Variants in FRMD4A observed in about 807,000 individuals in gnomAD.
FRMD4A encodes FERM domain containing 4A.
In FRMD4A, 29 loss-of-function variants were observed where a neutral mutation model predicts 129.1. That is an observed-to-expected ratio of 0.22 (90% CI 0.17 to 0.31). FRMD4A has a LOEUF of 0.31. Among genes scored for constraint, FRMD4A ranks in the 10% least tolerant of loss-of-function variants. The pLI, the probability that FRMD4A is intolerant of heterozygous loss-of-function variation, is 1.00. For missense variants in FRMD4A, 1,272 were observed against 1,375.8 expected (o/e 0.92, Z 1.19); for synonymous variants, 634 against 571.6 (o/e 1.11, Z -1.56).
chr10:13,844,983 G>A (rs558194836), intron 3 of FRMD4A, among the ~76,000 whole-genome samples: 26 of 152,310 alleles, frequency 1.7e-4, no homozygotes, highest in Admixed American at 5.9e-4. Flanking sequence ...GGGATACAGT[G>A]TGCCTTCAGT....
Position 13,787,748 on chromosome 10 carries a change from CTT to C in FRMD4A, c.300-4744_300-4743del, listed in dbSNP as rs1454721521. On this transcript the variant is annotated intron_variant, in intron 5 of 24. Transcript: ENST00000357447. ...TACTCAGGTTACAGGCCAGCCTCTTCTTCTTTTTTTTTTTTAATCCAGTTTTT... is the reference window on the plus strand; with the variant it reads ...TACTCAGGTTACAGGCCAGCCTCTTCCTTTTTTTTTTTTAATCCAGTTTTT... Among the ~76,000 whole-genome samples, 918 of 150,966 alleles carry C rather than the reference CTT, an allele frequency of 6.1e-3. 12 individuals are homozygous for C. The highest frequency in any genetic ancestry group is 0.022 in the African/African-American group (886 of 41,170).
At chr10:13,789,697 T>A (rs1258148678) in intron 5 of FRMD4A, among the ~76,000 whole-genome samples, 1 of 151,000 alleles carries the variant, frequency 6.6e-6, no homozygotes, top group Non-Finnish European at 1.5e-5. Flanking sequence ...TTCCCAAGCC[T>A]TATAGCACTA....
chr10:14,011,664 A>T (rs1182044337), intron 2 of FRMD4A, among the ~76,000 whole-genome samples: 4 of 152,294 alleles, frequency 2.6e-5, no homozygotes, highest in South Asian at 4.1e-4. Flanking sequence ...AGGGACCGAG[A>T]CATTGGACCA....
intron 2 of FRMD4A, among the ~76,000 whole-genome samples, chr10:14,012,816 G>A (rs2095686744): frequency 6.6e-6 from 1 of 152,172 alleles, no homozygotes; most frequent in Non-Finnish European, 1.5e-5. Flanking sequence ...CACTAGTGAG[G>A]CTGGCCTGTC....
intron 4 of FRMD4A, among the ~76,000 whole-genome samples, chr10:13,801,441 C>T (rs2093252479): frequency 6.6e-6 from 1 of 152,208 alleles, no homozygotes; most frequent in Non-Finnish European, 1.5e-5. Flanking sequence ...CATGGCCTTG[C>T]GTAGCTCCAG....
chr10:14,212,946 T>C (rs1035672823), intron 2 of FRMD4A, among the ~76,000 whole-genome samples: 1 of 152,182 alleles, frequency 6.6e-6, no homozygotes, highest in Non-Finnish European at 1.5e-5. Context: ...GGTTCAGAAA[T>C]GTAGGATAGG....
At chr10:14,210,882 C>A (rs1037542731) in intron 2 of FRMD4A, among the ~76,000 whole-genome samples, 1 of 152,156 alleles carries the variant, frequency 6.6e-6, no homozygotes, top group African/African-American at 2.4e-5. Flanking sequence ...TGCATGCCAC[C>A]ATGTCCTGCT....
chr10:14,005,917 G>A (rs1219166767), intron 2 of FRMD4A, among the ~76,000 whole-genome samples: 1 of 152,206 alleles, frequency 6.6e-6, no homozygotes, highest in East Asian at 1.9e-4. Flanking sequence ...AGAAATGTAA[G>A]GTCTTCCGCG....
chr10:13,964,743 C>T (rs1431887471), intron 2 of FRMD4A, among the ~76,000 whole-genome samples: 1 of 149,472 alleles, frequency 6.7e-6, no homozygotes, highest in Admixed American at 6.7e-5. Flanking sequence ...GCGATCTCAG[C>T]TCACTGCAAC....
chr10:14,316,060 T>C (rs1846728225), intron 2 of FRMD4A, among the ~76,000 whole-genome samples: 1 of 152,240 alleles, frequency 6.6e-6, no homozygotes, highest in Non-Finnish European at 1.5e-5. Context: ...CACCTTCTTT[T>C]TCCCTTGTAT....
chr10:14,076,419 T>C (rs1487057314), intron 2 of FRMD4A, among the ~76,000 whole-genome samples: 1 of 152,042 alleles, frequency 6.6e-6, no homozygotes, highest in Admixed American at 6.5e-5. Context: ...GGCAGGTGGA[T>C]CATGAGGTCA....
intron 2 of FRMD4A, among the ~76,000 whole-genome samples, chr10:13,908,987 C>T (rs79644296): frequency 0.02 from 3,044 of 152,342 alleles, 113 homozygotes; most frequent in African/African-American, 0.07. Context: ...GAGGCCATCG[C>T]TGTACAGCCT....
At chr10:14,298,180 T>G (rs1846069835) in intron 2 of FRMD4A, among the ~76,000 whole-genome samples, 1 of 152,052 alleles carries the variant, frequency 6.6e-6, no homozygotes, top group Admixed American at 6.5e-5. Flanking sequence ...TATCTGGCCC[T>G]TTGCAGAAAA....
chr10:13,668,668 C>A (rs114430043), intron 17 of FRMD4A, among the ~76,000 whole-genome samples: 2 of 152,088 alleles, frequency 1.3e-5, no homozygotes, highest in Admixed American at 6.5e-5. Context: ...TACTGAGATG[C>A]GTGAAAGGTG....
chr10:13,931,466 C>T (rs1375945148), intron 2 of FRMD4A, among the ~76,000 whole-genome samples: 1 of 152,136 alleles, frequency 6.6e-6, no homozygotes, highest in African/African-American at 2.4e-5. Flanking sequence ...TGATGAGTTC[C>T]TCTGCATCCT....
At chr10:13,962,813 G>A (rs1379298628) in intron 2 of FRMD4A, among the ~76,000 whole-genome samples, 1 of 152,204 alleles carries the variant, frequency 6.6e-6, no homozygotes, top group Admixed American at 6.5e-5. Context: ...CAAATTACTG[G>A]TGGCTGATGC....
intron 2 of FRMD4A, among the ~76,000 whole-genome samples, chr10:13,989,313 T>C (rs1173435312): frequency 6.6e-6 from 1 of 152,212 alleles, no homozygotes; most frequent in East Asian, 1.9e-4. Flanking sequence ...AGCCCTGGCA[T>C]ATTATGGATG....
intron 2 of FRMD4A, among the ~76,000 whole-genome samples, chr10:13,883,907 C>T (rs1188247610): frequency 6.6e-6 from 1 of 152,130 alleles, no homozygotes; most frequent in East Asian, 1.9e-4. Context: ...CTTCTGCTGC[C>T]TGTGTGTGCC....
intron 15 of FRMD4A, chr10:13,684,549 C>T: frequency 1.0e-6 from 1 of 985,526 alleles, no homozygotes; most frequent in Non-Finnish European, 1.2e-6. Flanking sequence ...CCGGCAGACA[C>T]ATGGAAGGAC....
Sources: allele counts gnomAD v4.1 joint callset (sites outside exome capture counted in the v4.1 genomes callset), GRCh38; gene constraint gnomAD v4.1.1; transcripts MANE v1.5; gene names NCBI Gene and HGNC (gene_info 2026-07-23, HGNC 2026-07-21).